The following APOBEC3F variants were observed in gnomAD, a reference collection of about 807,000 sequenced individuals.
The protein encoded by APOBEC3F is apolipoprotein B mRNA editing enzyme catalytic subunit 3F, also known as DNA dC->dU-editing enzyme APOBEC-3F.
A neutral mutation model predicts 45.8 loss-of-function variants in APOBEC3F; 34 were observed. The ratio of observed to expected loss-of-function variants is 0.74; its 90% CI spans 0.57 to 0.99. APOBEC3F has a LOEUF of 0.99. Ranked by LOEUF, APOBEC3F falls within the 50% of genes least tolerant of loss-of-function variation. APOBEC3F has a pLI of 0.00. For missense variants in APOBEC3F, 459 were observed against 474.1 expected (o/e 0.97, Z 0.30); for synonymous variants, 192 against 174.4 (o/e 1.10, Z -0.80).
intron 1 of APOBEC3F, 48 bp from the exon 2 acceptor site, chr22:39,042,889 T>TC (rs1297084754): frequency 6.2e-7 from 1 of 1,608,688 alleles, no homozygotes; most frequent in African/African-American, 1.3e-5. Flanking sequence ...CCCTGAGGGC[T>TC]CCCGGGAGCG....
chr22:39,042,308 CTCTT>C (rs1284835218), intron 1 of APOBEC3F, among the ~76,000 whole-genome samples: 1 of 95,478 alleles, frequency 1.0e-5, no homozygotes, highest in East Asian at 2.4e-4. Context: ...TATTCTCTCT[CTCTT>C]TTTTTTTTTT....
intron 4 of APOBEC3F, among the ~76,000 whole-genome samples, chr22:39,048,925 C>T (rs1254495221): frequency 1.3e-5 from 2 of 152,084 alleles, no homozygotes; most frequent in South Asian, 2.1e-4. Flanking sequence ...GTGCAGGTTG[C>T]AGTAAGCTGA....
chr22:39,049,390 G>A (rs368249214), intron 4 of APOBEC3F, 35 bp from the exon 5 acceptor site: 1 of 1,608,486 alleles, frequency 6.2e-7, no homozygotes, highest in Admixed American at 1.7e-5. Flanking sequence ...ATCCAGGGGG[G>A]TCTCTGCATT....
rs1927655659 is a variant in APOBEC3F, at chr22:39,055,331, CA to C, written c.*2639del. Among the ~76,000 whole-genome samples, 1 of 151,830 alleles carries C rather than the reference CA, an allele frequency of 6.6e-6. No homozygotes were observed. Among genetic ancestry groups the C allele is most frequent in the Non-Finnish European group, 1.5e-5 (1 of 68,002 alleles). On this transcript the variant is annotated 3_prime_UTR_variant, in exon 7 of 7. Transcript: ENST00000308521. ...AGGCGATCCACTCTCCTCAGCCTCC[CA>C]AAGTGCTGGGATTACAGATATAAGC...
At chr22:39,051,976 T>C (rs564323505) in intron 5 of APOBEC3F, 98 bp from the exon 6 acceptor site, 203 of 1,524,066 alleles carry the variant, frequency 1.3e-4, no homozygotes, top group Non-Finnish European at 1.6e-4. Context: ...GGAAACGCCC[T>C]GGGGCTCCAG....
chr22:39,049,382 C>G (rs866383625), intron 4 of APOBEC3F, 43 bp from the exon 5 acceptor site: 2 of 1,604,408 alleles, frequency 1.2e-6, no homozygotes, highest in Middle Eastern at 1.7e-4. Flanking sequence ...TCCGAGGAAT[C>G]CAGGGGGGTC....
At chr22:39,041,107 G>GC (rs1926864014) in intron 1 of APOBEC3F, 130 bp downstream of exon 1, 3 of 1,449,070 alleles carry the variant, frequency 2.1e-6, no homozygotes, top group Non-Finnish European at 2.8e-6. Flanking sequence ...TGGCTCCCCT[G>GC]CCCCCGCCAC....
chr22:39,043,810 G>A (rs1386454408), intron 2 of APOBEC3F, among the ~76,000 whole-genome samples: 1 of 151,196 alleles, frequency 6.6e-6, no homozygotes, highest in Non-Finnish European at 1.5e-5. Flanking sequence ...CCTGAGGTTA[G>A]ATGTTTGAAA....
intron 2 of APOBEC3F, chr22:39,044,161 G>A (rs1160167854): frequency 6.3e-7 from 1 of 1,597,290 alleles, no homozygotes; most frequent in African/African-American, 1.3e-5. Flanking sequence ...ACATGGGACA[G>A]CGCAGGTCCA....
In APOBEC3F at chr22:39,055,290, T is replaced by C. The variant is rs1392334313; in HGVS notation, c.*2595T>C. ...TTTCTCCATGTTGCTCAGGCTGGTC[T>C]TGAACTCATGAGCTCAGGCGATCCA... is the stretch of plus-strand genomic sequence containing the variant. On this transcript the variant is annotated 3_prime_UTR_variant, in exon 7 of 7. Coordinates refer to ENST00000308521, the MANE Select transcript of APOBEC3F (RefSeq NM_145298.6). 2.6e-5 allele frequency among the ~76,000 whole-genome samples: 4 copies of C among 152,096 alleles called. No homozygotes were observed. Among genetic ancestry groups the C allele is most frequent in the African/African-American group, 9.7e-5 (4 of 41,402 alleles).
Position 39,052,121 on chromosome 22 carries a change from G to A in APOBEC3F, c.771G>A (p.Trp257Ter). 3 of 1,613,410 alleles carry A rather than the reference G, an allele frequency of 1.9e-6. No homozygotes were observed. The highest frequency in any genetic ancestry group is 2.5e-6 in the Non-Finnish European group (3 of 1,179,422). ...HCHAERCFLS[W>*]FCDDILSPNT... ...ATGCAGAAAGGTGCTTCCTCTCTTG[G>A]TTCTGTGACGACATACTGTCTCCTA... The change falls in exon 6 of 7, where the codon TGG becomes TGA. Residue 257 changes from tryptophan to a stop codon, truncating the protein, a stop_gained. Coordinates refer to ENST00000308521, the MANE Select transcript of APOBEC3F (RefSeq NM_145298.6). LOFTEE classifies it high-confidence loss of function.
chr22:39,041,867 G>GA (rs948866680), intron 1 of APOBEC3F, among the ~76,000 whole-genome samples: 26 of 146,060 alleles, frequency 1.8e-4, no homozygotes, highest in East Asian at 1.0e-3. Flanking sequence ...CGTCTCAAAA[G>GA]AAAAAAAAAC....
intron 1 of APOBEC3F, 126 bp downstream of exon 1, chr22:39,041,103 C>A: frequency 2.0e-6 from 3 of 1,480,090 alleles, no homozygotes; most frequent in Non-Finnish European, 2.7e-6. Context: ...CCTCTGGCTC[C>A]CCTGCCCCCG....
rs779869344 is a variant in APOBEC3F, at chr22:39,043,054, A to G, written c.135A>G (p.Ser45=). ...ACGAAGTGAAAACAAAGGGTCCCTC[A>G]AGGCCCCGTTTGGACGCAAAGATCT... The part of the protein sequence containing the change: ...LCYEVKTKGP[S]RPRLDAKIFR... Residue 45 remains serine (S), a synonymous_variant, in exon 2 of 7, where the codon TCA becomes TCG. Transcript: ENST00000308521. 3.1e-6 allele frequency: 5 copies of G among 1,614,166 alleles called. No homozygotes were observed. Among genetic ancestry groups the G allele is most frequent in the Non-Finnish European group, 2.5e-6 (3 of 1,180,030 alleles).
chr22:39,044,507 T>A (rs2146342324), intron 2 of APOBEC3F: 1 of 796,644 alleles, frequency 1.3e-6, no homozygotes, highest in East Asian at 3.4e-5. Context: ...GGGGTAAAGG[T>A]TGTTGCCAGA....
intron 5 of APOBEC3F, among the ~76,000 whole-genome samples, chr22:39,051,365 A>G (rs983371327): frequency 6.6e-6 from 1 of 151,038 alleles, no homozygotes; most frequent in Non-Finnish European, 1.5e-5. Context: ...GTGAAACCCC[A>G]TCTCTACTAA....
intron 5 of APOBEC3F, 115 bp from the exon 6 acceptor site, chr22:39,051,959 T>A (rs1847512332): frequency 8.9e-6 from 13 of 1,460,602 alleles, no homozygotes; most frequent in Non-Finnish European, 1.2e-5. Context: ...GTCTCAAAAA[T>A]AAATAAGGAA....
At chr22:39,044,220 G>A (rs538615559) in intron 2 of APOBEC3F, 2 of 1,604,958 alleles carry the variant, frequency 1.2e-6, no homozygotes, top group Non-Finnish European at 1.7e-6. Flanking sequence ...GACCCTAGAG[G>A]GCCAGGCCAC....
At position 39,040,945 on chromosome 22, in the gene APOBEC3F, G is replaced by A; in HGVS notation, c.-16G>A. 1.9e-6 allele frequency: 3 copies of A among 1,573,770 alleles called. No homozygotes were observed. The highest frequency in any genetic ancestry group is 2.6e-6 in the Non-Finnish European group (3 of 1,159,066). ...TGCTCCAGACAAAGATCTTAGTCGG[G>A]ACTAGCCGGCCAAGGATGAAGCCTC... On this transcript the variant is annotated 5_prime_UTR_variant, in exon 1 of 7. Transcript: ENST00000308521.
Sources: allele counts gnomAD v4.1 joint callset (sites outside exome capture counted in the v4.1 genomes callset), GRCh38; gene constraint gnomAD v4.1.1; transcripts MANE v1.5; gene names NCBI Gene and HGNC (gene_info 2026-07-23, HGNC 2026-07-21).